Variants in SPTLC2 observed in about 807,000 individuals in gnomAD.
SPTLC2 encodes the protein serine palmitoyltransferase 2.
A neutral mutation model predicts 62.0 loss-of-function variants in SPTLC2; 21 were observed. That is an observed-to-expected ratio of 0.34 (90% CI 0.24 to 0.49). SPTLC2 has a LOEUF of 0.49. Among genes scored for constraint, SPTLC2 ranks in the 20% least tolerant of loss-of-function variants. The probability of loss-of-function intolerance (pLI) is 0.99; values close to 1 mark genes in which losing one functional copy is unlikely to be tolerated. For missense variants in SPTLC2, 511 were observed against 713.0 expected (o/e 0.72, Z 3.23); for synonymous variants, 261 against 261.8 (o/e 1.00, Z 0.03).
intron 9 of SPTLC2, among the ~76,000 whole-genome samples, chr14:77,550,918 G>GAAA (rs11452479): frequency 1.4e-4 from 19 of 138,878 alleles, no homozygotes; most frequent in African/African-American, 2.7e-4. Context: ...ACAAAAACCA[G>GAAA]AAAAAAAAAA....
At position 77,559,018 on chromosome 14, in the gene SPTLC2, T is replaced by G. The variant is rs538592080; in HGVS notation, c.851-1872A>C. Reference sequence around the variant, plus strand: ...AGGAGAAAAATAATACTGGTCAAAATTTTAGATAAAAGAAGCATCAGCCAG... The same window carrying G: ...AGGAGAAAAATAATACTGGTCAAAAGTTTAGATAAAAGAAGCATCAGCCAG... On this transcript the variant is annotated intron_variant, in intron 6 of 11. Transcript: ENST00000216484. Among the ~76,000 whole-genome samples the G allele has an allele frequency of 7.2e-5, 11 of 152,288 alleles. No individual in the cohort carries two copies. In the South Asian group the frequency reaches 2.3e-3, roughly 32 times the overall value.
At chr14:77,604,676 T>C (rs369311669) in intron 1 of SPTLC2, among the ~76,000 whole-genome samples, 1 of 151,956 alleles carries the variant, frequency 6.6e-6, no homozygotes, top group South Asian at 2.1e-4. Flanking sequence ...GAGACCAGCC[T>C]GACCAACATG....
At chr14:77,553,749 A>AAAAAAAAAAAT (rs1566778022) in intron 8 of SPTLC2, among the ~76,000 whole-genome samples, 4 of 151,060 alleles carry the variant, frequency 2.6e-5, no homozygotes, top group Non-Finnish European at 4.4e-5. Flanking sequence ...AAAAAAAAAA[A>AAAAAAAAAAAT]ATCTATCAAA....
rs45595936 is a variant in SPTLC2 at position 77,521,730 on chromosome 14, T to C, written c.1304-149A>G. 0.046 allele frequency: 33,217 copies of C among 719,866 alleles called. 858 individuals carry two copies. The highest frequency in any genetic ancestry group is 0.075 in the Middle Eastern group (203 of 2,714). 44.6% of individuals were successfully genotyped at this position (719,866 alleles called of 1,614,324 possible). A position where few individuals can be genotyped will look rare whatever the true frequency, so the allele number is the denominator to read the frequency against. On this transcript the variant is annotated intron_variant, in intron 9 of 11. Transcript: ENST00000216484. ...ATAAAATATTTTACAGAGTAAACCA[T>C]ATGGAATATAAATGTAAAATGTCTC...
intron 9 of SPTLC2, among the ~76,000 whole-genome samples, chr14:77,539,337 C>CT (rs981755378): frequency 1.1e-4 from 17 of 151,662 alleles, no homozygotes; most frequent in African/African-American, 3.9e-4. Context: ...TTTTCTAACT[C>CT]TAAGGCCCAC....
chr14:77,530,565 G>C (rs1184462522), intron 9 of SPTLC2, among the ~76,000 whole-genome samples: 2 of 152,144 alleles, frequency 1.3e-5, no homozygotes, highest in African/African-American at 4.8e-5. Context: ...CTGACCTCAA[G>C]TGATCCACCA....
intron 1 of SPTLC2, among the ~76,000 whole-genome samples, chr14:77,610,594 C>A (rs79994906): frequency 0.017 from 2,526 of 152,224 alleles, 34 homozygotes; most frequent in Non-Finnish European, 0.024. Context: ...CCCTTAATAC[C>A]TATTTTTTGG....
At chr14:77,590,714 G>C (rs1393253095) in intron 2 of SPTLC2, among the ~76,000 whole-genome samples, 1 of 151,844 alleles carries the variant, frequency 6.6e-6, no homozygotes, top group African/African-American at 2.4e-5. Context: ...ACTGTCTCAA[G>C]AAAATAAAAA....
intron 1 of SPTLC2, 132 bp from the exon 2 acceptor site, chr14:77,597,512 C>T: frequency 1.2e-6 from 1 of 803,806 alleles, no homozygotes; most frequent in South Asian, 1.6e-5. Flanking sequence ...CACTGGCTCA[C>T]ACCTGTAATC....
At chr14:77,546,384 G>A (rs1357989183) in intron 9 of SPTLC2, among the ~76,000 whole-genome samples, 1 of 152,168 alleles carries the variant, frequency 6.6e-6, no homozygotes, top group Admixed American at 6.5e-5. Flanking sequence ...AGTATCCACA[G>A]AAAAATTTCA....
At chr14:77,577,842 G>A (rs1379276547) in intron 3 of SPTLC2, among the ~76,000 whole-genome samples, 2 of 152,206 alleles carry the variant, frequency 1.3e-5, no homozygotes, top group Admixed American at 6.5e-5. Context: ...AGAGCTTGCA[G>A]TAAGCCAAGA....
At chr14:77,606,322 ACT>A (rs1366715029) in intron 1 of SPTLC2, among the ~76,000 whole-genome samples, 2 of 151,628 alleles carry the variant, frequency 1.3e-5, no homozygotes, top group African/African-American at 4.9e-5. Flanking sequence ...ACAGAGCGAG[ACT>A]CTGTCTCAAA....
At chr14:77,610,618 C>G (rs1050866354) in intron 1 of SPTLC2, among the ~76,000 whole-genome samples, 1 of 152,096 alleles carries the variant, frequency 6.6e-6, no homozygotes, top group Non-Finnish European at 1.5e-5. Flanking sequence ...AAGACTGGAT[C>G]ACACCCATAG....
chr14:77,562,317 T>C (rs750926773), intron 6 of SPTLC2, 79 bp downstream of exon 6: 131 of 1,206,360 alleles, frequency 1.1e-4, no homozygotes, highest in Non-Finnish European at 3.6e-5. Flanking sequence ...CAAGTGCTAA[T>C]ATAACTAATG....
intron 2 of SPTLC2, among the ~76,000 whole-genome samples, chr14:77,593,271 A>G (rs1318027969): frequency 6.6e-6 from 1 of 152,126 alleles, no homozygotes; most frequent in Non-Finnish European, 1.5e-5. Flanking sequence ...GTTCCTAGCT[A>G]TTTCCTATCT....
At position 77,576,815 on chromosome 14, in the gene SPTLC2, C is replaced by G; in HGVS notation, c.583G>C (p.Val195Leu). The change falls in exon 4 of 12, where the codon GTC (valine) becomes CTC (leucine). Residue 195 changes from valine (V) to leucine (L), a missense_variant. By Grantham distance (32) the Val-to-Leu change is conservative. Coordinates refer to ENST00000216484, the MANE Select transcript of SPTLC2 (RefSeq NM_004863.4). ...ACTCCAGCTCCATACTCCTCAAGGA[C>G]TTTGGCGGCTGCTTCTTGACATGAT... ...TGSCQEAAAK[V>L]LEEYGAGVCS... 6.2e-7 allele frequency: 1 copy of G among 1,614,218 alleles called. No individual in the cohort carries two copies. The highest frequency in any genetic ancestry group is 8.5e-7 in the Non-Finnish European group (1 of 1,180,030).
intron 1 of SPTLC2, among the ~76,000 whole-genome samples, chr14:77,603,048 C>A (rs1199953332): frequency 6.6e-6 from 1 of 152,024 alleles, no homozygotes; most frequent in Non-Finnish European, 1.5e-5. Flanking sequence ...AGAAATGATC[C>A]TGAATAAAGG....
chr14:77,579,712 C>T (rs1230190748), intron 2 of SPTLC2, among the ~76,000 whole-genome samples: 1 of 152,100 alleles, frequency 6.6e-6, no homozygotes, highest in Non-Finnish European at 1.5e-5. Flanking sequence ...CACCACTGTA[C>T]TCCAAGCTGG....
At chr14:77,596,984 G>T (rs1021936573) in intron 2 of SPTLC2, among the ~76,000 whole-genome samples, 1 of 152,146 alleles carries the variant, frequency 6.6e-6, no homozygotes, top group Admixed American at 6.5e-5. Context: ...GGTTCTTCTT[G>T]ATTAAACCCA....
Sources: allele counts gnomAD v4.1 joint callset (sites outside exome capture counted in the v4.1 genomes callset), GRCh38; gene constraint gnomAD v4.1.1; transcripts MANE v1.5; gene names NCBI Gene and HGNC (gene_info 2026-07-23, HGNC 2026-07-21).